Variants in PSMC4 observed in about 807,000 individuals in gnomAD.
PSMC4 encodes 26S proteasome regulatory subunit 6B.
Under a neutral mutation model 48.4 loss-of-function variants are expected in PSMC4, and 13 were observed. The ratio of observed to expected loss-of-function variants is 0.27; its 90% CI spans 0.18 to 0.43. PSMC4 has a LOEUF of 0.43. Among genes scored for constraint, PSMC4 ranks in the 20% least tolerant of loss-of-function variants. The probability of loss-of-function intolerance (pLI) is 1.00; values close to 1 mark genes in which losing one functional copy is unlikely to be tolerated. For missense variants in PSMC4, 262 were observed against 555.9 expected, an observed-to-expected ratio of 0.47 and a Z score of 5.32; for synonymous variants, 202 against 212.3, an observed-to-expected ratio of 0.95 and a Z score of 0.42.
chr19:39,978,434 T>C (rs1352593735), intron 6 of PSMC4, among the ~76,000 whole-genome samples: 1 of 152,146 alleles, frequency 6.6e-6, no homozygotes, highest in East Asian at 1.9e-4. Context: ...GTTTTCTGTT[T>C]AGAGCAGAAA....
chr19:39,978,547 G>A (rs1427171764), intron 6 of PSMC4, among the ~76,000 whole-genome samples: 21 of 152,126 alleles, frequency 1.4e-4, no homozygotes, highest in Non-Finnish European at 7.4e-5. Flanking sequence ...GGATCTTAGG[G>A]AGTGAACAGG....
chr19:39,972,613 G>A (rs1231396751), intron 3 of PSMC4, 58 bp downstream of exon 3: 31 of 1,498,600 alleles, frequency 2.1e-5, no homozygotes, highest in Non-Finnish European at 2.6e-5. Flanking sequence ...TTCCTACCAT[G>A]TGCTAGGCAG....
rs182411631 is a variant in PSMC4, at chr19:39,972,848, C to T, written c.322+293C>T. The stretch of plus-strand genomic sequence containing the variant: ...GCAACCTCCACCTCCCAGGTTCACA[C>T]GATTCTCCTGTCTCAGCCTCCCAAG... On this transcript the variant is annotated intron_variant, in intron 3 of 10. Coordinates refer to ENST00000157812, the MANE Select transcript of PSMC4 (RefSeq NM_006503.4). 6.3e-3 allele frequency among the ~76,000 whole-genome samples: 953 copies of T among 152,004 alleles called. 6 individuals carry two copies. Among genetic ancestry groups the T allele is most frequent in the African/African-American group, 0.021 (856 of 41,420 alleles).
rs1971118898 is a variant in PSMC4, at chr19:39,972,573, C to T, written c.322+18C>T. On this transcript the variant is annotated intron_variant, in intron 3 of 10. Transcript: ENST00000157812. ...TACCACAGGTGTGCTAAGGACACCT[C>T]ATTCATTCATCTGTCCACTTAACAA... The T allele has an allele frequency of 6.3e-7, 1 of 1,593,570 alleles. No individual in the cohort carries two copies. Among genetic ancestry groups the T allele is most frequent in the Non-Finnish European group, 8.6e-7 (1 of 1,166,132 alleles).
rs1971285685 is a variant in PSMC4 at position 39,981,427 on chromosome 19, A to G, written c.*122A>G. ...CAGGATTGGTTTCTTCAATAAATAG[A>G]TAAGATCGAATCCATTTAATTTCTT... On this transcript the variant is annotated 3_prime_UTR_variant, in exon 11 of 11. Coordinates refer to ENST00000157812, the MANE Select transcript of PSMC4 (RefSeq NM_006503.4). 4.5e-6 allele frequency: 3 copies of G among 668,606 alleles called. No homozygotes were observed. The highest frequency in any genetic ancestry group is 5.2e-5 in the Admixed American group (2 of 38,228). The allele number at this position is 668,606 out of a possible 1,614,324, so 41.4% of individuals were successfully genotyped here.
intron 6 of PSMC4, among the ~76,000 whole-genome samples, chr19:39,977,235 C>A (rs1167069466): frequency 6.6e-6 from 1 of 152,076 alleles, no homozygotes; most frequent in Non-Finnish European, 1.5e-5. Context: ...TCCAGTGTGG[C>A]CCTGTGTACC....
intron 3 of PSMC4, 129 bp downstream of exon 3, chr19:39,972,684 G>A (rs534697650): frequency 6.1e-5 from 38 of 626,864 alleles, no homozygotes; most frequent in African/African-American, 5.7e-4. Flanking sequence ...CTGATCGAAA[G>A]GTAGAAATAC....
At chr19:39,976,832 A>AT (rs1971209135) in intron 6 of PSMC4, among the ~76,000 whole-genome samples, 1 of 135,404 alleles carries the variant, frequency 7.4e-6, no homozygotes, top group African/African-American at 2.8e-5. Flanking sequence ...AAAACATGAG[A>AT]TTTTTTGTGT....
rs1373345182 is a variant in PSMC4, at chr19:39,980,491, GGGAACGGGGATT to G, written c.1087+38_1087+49del. On this transcript the variant is annotated intron_variant, in intron 9 of 10. Transcript: ENST00000157812. This position sits in a 1 kb window ranked among gnomAD's most constrained non-coding sequence, Gnocchi z 4.8. Reference sequence around the variant, plus strand: ...CAGAAGTCAGGGAGGGGCCCTAGTTGGGAACGGGGATTAGATCTTCAGCTCAACTTCTGCCAG... The same window carrying G: ...CAGAAGTCAGGGAGGGGCCCTAGTTGAGATCTTCAGCTCAACTTCTGCCAG... 2 of 1,610,158 alleles carry G rather than the reference GGGAACGGGGATT, an allele frequency of 1.2e-6. No individual in the cohort carries two copies. Among genetic ancestry groups the G allele is most frequent in the East Asian group, 4.5e-5 (2 of 44,860 alleles).
rs1971097014 is a variant in PSMC4 at position 39,971,298 on chromosome 19, A to C, written c.36+60A>C. ...GGGCTCGCGGGGAGAGGGTGAAGCC[A>C]GACCTGAGTGGGGGGAGGAATGGCT... On this transcript the variant is annotated intron_variant, in intron 1 of 10. Transcript: ENST00000157812. 4.4e-6 allele frequency: 7 copies of C among 1,601,946 alleles called. No homozygotes were observed. In the Admixed American group the frequency reaches 1.2e-4, roughly 27 times the overall value.
intron 6 of PSMC4, among the ~76,000 whole-genome samples, chr19:39,975,268 A>G (rs540685688): frequency 4.6e-5 from 7 of 151,740 alleles, no homozygotes; most frequent in Non-Finnish European, 1.0e-4. Context: ...CTTCAAAAAT[A>G]TATATATATA....
Position 39,974,087 on chromosome 19 carries a change from G to C in PSMC4, c.323-207G>C, listed in dbSNP as rs539815746. ...AGGGGGAGGCCTGCTGGACAGCCAG[G>C]GCTGGATGTCAAGAGAGAATCAGGG... On this transcript the variant is annotated intron_variant, in intron 3 of 10. Transcript: ENST00000157812. This position sits in a 1 kb window ranked among gnomAD's most constrained non-coding sequence, Gnocchi z 5.5. 6.6e-6 allele frequency among the ~76,000 whole-genome samples: 1 copy of C among 152,146 alleles called. No homozygotes were observed. Among genetic ancestry groups the C allele is most frequent in the Non-Finnish European group, 1.5e-5 (1 of 68,034 alleles).
In PSMC4 at chr19:39,971,194, T is replaced by C. The variant is rs757999711; in HGVS notation, c.-9T>C. 6.2e-7 allele frequency: 1 copy of C among 1,614,028 alleles called. No individual in the cohort carries two copies. The highest frequency in any genetic ancestry group is 8.5e-7 in the Non-Finnish European group (1 of 1,179,942). On this transcript the variant is annotated 5_prime_UTR_variant, in exon 1 of 11. Transcript: ENST00000157812. Reference sequence around the variant, plus strand: ...CATCCCAGGCCACACAGAGGCCGGCTTGGTCACTATGGAGGAGATAGGCAT... The same window carrying C: ...CATCCCAGGCCACACAGAGGCCGGCCTGGTCACTATGGAGGAGATAGGCAT...
At position 39,974,968 on chromosome 19, in the gene PSMC4, A is replaced by T; in HGVS notation, c.673+140A>T. 1.3e-6 allele frequency: 1 copy of T among 795,160 alleles called. No individual in the cohort carries two copies. Among genetic ancestry groups the T allele is most frequent in the Non-Finnish European group, 2.0e-6 (1 of 506,484 alleles). 49.3% of individuals were successfully genotyped at this position (795,160 alleles called of 1,614,324 possible). On this transcript the variant is annotated intron_variant, in intron 6 of 10. Coordinates refer to ENST00000157812, the MANE Select transcript of PSMC4 (RefSeq NM_006503.4). This position sits in a 1 kb window ranked among gnomAD's most constrained non-coding sequence, Gnocchi z 5.5. Reference sequence around the variant, plus strand: ...CGTGTGCATGTTACTGGCTGTGCTGACTTCACCTCCTTGGGCCTCTCCTAG... The same window carrying T: ...CGTGTGCATGTTACTGGCTGTGCTGTCTTCACCTCCTTGGGCCTCTCCTAG...
Position 39,974,633 on chromosome 19 carries a change from G to C in PSMC4, c.579G>C (p.Gln193His). 6.2e-7 allele frequency: 1 copy of C among 1,613,904 alleles called. No individual in the cohort carries two copies. The highest frequency in any genetic ancestry group is 8.5e-7 in the Non-Finnish European group (1 of 1,179,834). ...LPLTHFELYK[Q>H]IGIDPPRGVL... ...TCACGCATTTCGAGCTCTACAAGCA[G>C]GTGAGGCGGTGCAGGTGGCAGGGAA... The change falls in exon 5 of 11, where the codon CAG becomes CAC. Residue 193 changes from glutamine (Q) to histidine (H), a missense_variant and splice_region_variant. Around this residue, in one of 4 missense-constraint regions of PSMC4, gnomAD observed 131 missense variants for 276.7 expected, o/e 0.47. Coordinates refer to ENST00000157812, the MANE Select transcript of PSMC4 (RefSeq NM_006503.4). This position sits in a 1 kb window ranked among gnomAD's most constrained non-coding sequence, Gnocchi z 5.5.
intron 6 of PSMC4, among the ~76,000 whole-genome samples, chr19:39,977,806 T>C (rs1253787603): frequency 1.3e-5 from 2 of 151,194 alleles, no homozygotes; most frequent in Admixed American, 1.3e-4. Context: ...CGGCCAATAG[T>C]GCGAGATTCT....
chr19:39,980,032 A>G lies in PSMC4; in HGVS notation c.842-38A>G. The stretch of plus-strand genomic sequence containing the variant: ...CCGGGGTCTTGGACAGGCTTGTCGC[A>G]TGGGATGCCTGGGACTGACTGTGCT... On this transcript the variant is annotated intron_variant, in intron 7 of 10. Transcript: ENST00000157812. This position sits in a 1 kb window ranked among gnomAD's most constrained non-coding sequence, Gnocchi z 4.8. 1 of 1,613,942 alleles carries G rather than the reference A, an allele frequency of 6.2e-7. No individual in the cohort carries two copies. Among genetic ancestry groups the G allele is most frequent in the Non-Finnish European group, 8.5e-7 (1 of 1,179,942 alleles).
chr19:39,972,103 G>A (rs772122220), intron 1 of PSMC4, 43 bp from the exon 2 acceptor site: 3 of 1,557,002 alleles, frequency 1.9e-6, no homozygotes, highest in Non-Finnish European at 2.7e-6. Flanking sequence ...GCTTTCATGA[G>A]AGGACTGTCT....
intron 6 of PSMC4, among the ~76,000 whole-genome samples, chr19:39,977,461 G>A (rs1332559349): frequency 1.3e-5 from 2 of 152,106 alleles, no homozygotes; most frequent in East Asian, 3.9e-4. Context: ...GAGAGAAGGT[G>A]TAGAAGGGAT....
Sources: gnomAD v4.1 joint callset for allele counts (sites outside exome capture counted in the v4.1 genomes callset) on GRCh38, gnomAD v4.1.1 for gene constraint, gnomAD v4.1.1 regional missense constraint, Gnocchi (gnomAD v3.1) non-coding constraint, MANE v1.5 for transcripts, NCBI Gene and HGNC (gene_info 2026-07-23, HGNC 2026-07-21) for gene names.